The following NTM variants were observed in gnomAD, a reference collection of about 807,000 sequenced individuals.
NTM encodes neurotrimin, also known as IgLON family member 2.
NTM carries 13 observed loss-of-function variants against 42.1 expected under a neutral mutation model. The observed-to-expected ratio is 0.31, with a 90% CI of 0.20 to 0.49. The LOEUF (loss-of-function observed/expected upper bound fraction) is 0.49, where lower values mean the gene tolerates loss of function less well. NTM is among the 20% of genes least tolerant of loss of function. The pLI is 0.99. For synonymous variants in NTM, 187 were observed against 179.2 expected, an observed-to-expected ratio of 1.04 and a Z score of -0.35; for missense variants, 373 against 452.8, an observed-to-expected ratio of 0.82 and a Z score of 1.60.
At chr11:131,423,482 T>C (rs1213057007) in intron 1 of NTM, among the ~76,000 whole-genome samples, 2 of 152,212 alleles carry the variant, frequency 1.3e-5, no homozygotes, top group Admixed American at 6.5e-5. Context: ...TTAAACTGTT[T>C]AAAGGTGTGG....
intron 2 of NTM, among the ~76,000 whole-genome samples, chr11:131,991,435 A>C (rs905650070): frequency 6.6e-6 from 1 of 152,158 alleles, no homozygotes; most frequent in African/African-American, 2.4e-5. Context: ...TGATTACTTT[A>C]GTCTTTCATT....
chr11:132,319,063 T>TA (rs1182009255), intron 7 of NTM, among the ~76,000 whole-genome samples: 1 of 152,206 alleles, frequency 6.6e-6, no homozygotes, highest in Non-Finnish European at 1.5e-5. Flanking sequence ...TGATTCAACT[T>TA]ACGTTTATTG....
At chr11:131,777,568 C>T (rs1029116753) in intron 1 of NTM, among the ~76,000 whole-genome samples, 2 of 151,238 alleles carry the variant, frequency 1.3e-5, no homozygotes, top group South Asian at 2.1e-4. Flanking sequence ...TCTAATTCTG[C>T]GTTCTTGTTT....
chr11:132,308,721 T>C (rs1290647705), intron 5 of NTM, among the ~76,000 whole-genome samples: 1 of 152,102 alleles, frequency 6.6e-6, no homozygotes, highest in Non-Finnish European at 1.5e-5. Flanking sequence ...TGTGTTACAA[T>C]GTGAACCCAG....
At chr11:132,047,560 G>A (rs1480631491) in intron 2 of NTM, among the ~76,000 whole-genome samples, 1 of 152,172 alleles carries the variant, frequency 6.6e-6, no homozygotes, top group Non-Finnish European at 1.5e-5. Flanking sequence ...TTCAAAACTG[G>A]GATTCCTGGT....
intron 7 of NTM, among the ~76,000 whole-genome samples, chr11:132,316,193 T>G (rs913408447): frequency 1.3e-5 from 2 of 151,848 alleles, no homozygotes; most frequent in African/African-American, 4.8e-5. Flanking sequence ...TTATCATGAT[T>G]GTATACTTCC....
At chr11:132,167,609 A>G (rs76233715) in intron 3 of NTM, among the ~76,000 whole-genome samples, 93 of 152,326 alleles carry the variant, frequency 6.1e-4, no homozygotes, top group African/African-American at 2.1e-3. Flanking sequence ...TATGAGCAAC[A>G]TATTGGCTTC....
intron 2 of NTM, among the ~76,000 whole-genome samples, chr11:132,048,610 G>A (rs148142845): frequency 4.3e-4 from 66 of 152,210 alleles, no homozygotes; most frequent in African/African-American, 1.5e-3. Flanking sequence ...GTGTGAACAC[G>A]GTTGATGTTT....
At chr11:131,798,308 T>A (rs1555133802) in intron 1 of NTM, among the ~76,000 whole-genome samples, 1 of 152,192 alleles carries the variant, frequency 6.6e-6, no homozygotes, top group Admixed American at 6.5e-5. Context: ...AGCCGAGAAC[T>A]GGCACAGTGC....
At chr11:131,404,666 C>G (rs1264226701) in intron 1 of NTM, among the ~76,000 whole-genome samples, 2 of 152,184 alleles carry the variant, frequency 1.3e-5, no homozygotes, top group African/African-American at 4.8e-5. Flanking sequence ...ATTTTCATGT[C>G]TCTGAAATTG....
At chr11:131,495,669 G>T (rs1265146265) in intron 1 of NTM, among the ~76,000 whole-genome samples, 3 of 152,220 alleles carry the variant, frequency 2.0e-5, no homozygotes, top group Non-Finnish European at 2.9e-5. Context: ...ACAGGGTTGA[G>T]CAGGGTGTGG....
chr11:131,373,937 C>T (rs1312755348), intron 1 of NTM, among the ~76,000 whole-genome samples: 13 of 152,294 alleles, frequency 8.5e-5, no homozygotes, highest in Non-Finnish European at 1.8e-4. Flanking sequence ...GGGAGGTGGG[C>T]GGTGGGCGCC....
intron 4 of NTM, among the ~76,000 whole-genome samples, chr11:132,234,922 A>G (rs2088478814): frequency 6.6e-6 from 1 of 152,220 alleles, no homozygotes; most frequent in South Asian, 2.1e-4. Flanking sequence ...TCAACGTTAG[A>G]TTCCAGTAAG....
At chr11:131,422,460 A>G (rs1019106771) in intron 1 of NTM, among the ~76,000 whole-genome samples, 1 of 152,216 alleles carries the variant, frequency 6.6e-6, no homozygotes, top group Non-Finnish European at 1.5e-5. Flanking sequence ...GGGAGCCATT[A>G]GTTTTTGATC....
intron 1 of NTM, among the ~76,000 whole-genome samples, chr11:131,863,381 G>C (rs2046836368): frequency 6.6e-6 from 1 of 152,110 alleles, no homozygotes; most frequent in South Asian, 2.1e-4. Context: ...CCTGGTGTCA[G>C]CAGATGTTCT....
intron 2 of NTM, among the ~76,000 whole-genome samples, chr11:132,120,483 A>G (rs2064615384): frequency 6.6e-6 from 1 of 152,210 alleles, no homozygotes; most frequent in South Asian, 2.1e-4. Flanking sequence ...CTAAGGTTGC[A>G]AGAGACAGTG....
chr11:131,537,795 A>T (rs141121578), intron 1 of NTM: 66 of 152,464 alleles, frequency 4.3e-4, no homozygotes, highest in African/African-American at 1.5e-3. Flanking sequence ...ACCTCCTTCC[A>T]GTCACTGCAC....
chr11:131,531,363 A>T (rs367980542), intron 1 of NTM, among the ~76,000 whole-genome samples: 2 of 151,984 alleles, frequency 1.3e-5, no homozygotes, highest in African/African-American at 4.8e-5. Flanking sequence ...GCCCAGGTGG[A>T]TCTCAAACTT....
At chr11:132,079,930 A>C (rs1249031685) in intron 2 of NTM, among the ~76,000 whole-genome samples, 1 of 152,112 alleles carries the variant, frequency 6.6e-6, no homozygotes, top group Non-Finnish European at 1.5e-5. Context: ...CATCTCTTGT[A>C]ATTCTGTAGT....
Sources: gnomAD v4.1 joint callset for allele counts (sites outside exome capture counted in the v4.1 genomes callset) on GRCh38, gnomAD v4.1.1 for gene constraint, MANE v1.5 for transcripts, NCBI Gene and HGNC (gene_info 2026-07-23, HGNC 2026-07-21) for gene names.